The following GSDME variants were observed in gnomAD, a reference collection of about 807,000 sequenced individuals.
The protein encoded by GSDME is gasdermin-E.
A neutral mutation model predicts 47.5 loss-of-function variants in GSDME; 44 were observed. That is an observed-to-expected ratio of 0.93 (90% CI 0.73 to 1.19). The LOEUF (loss-of-function observed/expected upper bound fraction) is 1.19. GSDME is among the 50% of genes most tolerant of loss of function. GSDME has a pLI of 0.00. For missense variants in GSDME, 663 were observed against 604.2 expected (o/e 1.10, Z -1.02); for synonymous variants, 258 against 252.8 (o/e 1.02, Z -0.20).
intron 1 of GSDME, among the ~76,000 whole-genome samples, chr7:24,751,360 AT>A (rs1790853946): frequency 6.6e-6 from 1 of 152,200 alleles, no homozygotes; most frequent in Non-Finnish European, 1.5e-5. Context: ...ACTGCTTTTT[AT>A]TTTTGCTTGC....
chr7:24,710,093 C>A, intron 6 of GSDME, 131 bp downstream of exon 6: 1 of 1,035,924 alleles, frequency 9.7e-7, no homozygotes. Context: ...GCCTCGGCGG[C>A]ATCACCTCTC....
chr7:24,788,851 G>A, the GSDME span, among the ~76,000 whole-genome samples: 6 of 152,078 alleles, frequency 3.9e-5, no homozygotes, highest in Admixed American at 1.3e-4. This position sits in a 1 kb window ranked among gnomAD's most constrained non-coding sequence, Gnocchi z 4.6. Context: ...TCCTTTAATG[G>A]CAGATTTGAT....
intron 6 of GSDME, among the ~76,000 whole-genome samples, chr7:24,708,510 AT>A (rs1289014374): frequency 2.0e-5 from 3 of 152,364 alleles, no homozygotes; most frequent in African/African-American, 7.2e-5. Context: ...CTCTTCTCTG[AT>A]GACTCACTAA....
intron 7 of GSDME, 106 bp from the exon 8 acceptor site, chr7:24,706,482 C>G (rs919191888): frequency 8.8e-7 from 1 of 1,142,274 alleles, no homozygotes; most frequent in Non-Finnish European, 1.3e-6. Context: ...CCCACTCCCC[C>G]GAGGAAAGTA....
chr7:24,790,994 C>T, the GSDME span, among the ~76,000 whole-genome samples: 1 of 152,098 alleles, frequency 6.6e-6, no homozygotes, highest in East Asian at 1.9e-4. This position sits in a 1 kb window ranked among gnomAD's most constrained non-coding sequence, Gnocchi z 4.1. Context: ...CATGCTTTGG[C>T]CATGCATGGA....
In GSDME at chr7:24,714,115, G is replaced by A. The variant is rs1030278355; in HGVS notation, c.697+3139C>T. ...AGCAAATGCCAAGATGTATAAAAGT[G>A]CAAGGCAGAAGGTCAAGAGAATGAA... On this transcript the variant is annotated intron_variant, in intron 5 of 9. Coordinates refer to ENST00000645220, the MANE Select transcript of GSDME (RefSeq NM_001127453.2). The surrounding 1 kb of genome is among the most constrained non-coding windows in gnomAD (Gnocchi z 5.0). 1.3e-5 allele frequency among the ~76,000 whole-genome samples: 2 copies of A among 152,242 alleles called. No individual in the cohort carries two copies. The highest frequency in any genetic ancestry group is 2.9e-5 in the Non-Finnish European group (2 of 68,050).
At chr7:24,702,594 G>A in intron 9 of GSDME, 166 bp downstream of exon 9, 1 of 628,338 alleles carries the variant, frequency 1.6e-6, no homozygotes. Flanking sequence ...TCTTCCCATG[G>A]GGTGGGATGT....
At chr7:24,762,976 A>G in the GSDME span, among the ~76,000 whole-genome samples, 1 of 152,170 alleles carries the variant, frequency 6.6e-6, no homozygotes, top group Non-Finnish European at 1.5e-5. Flanking sequence ...AAGAACCCGG[A>G]GACTCCCTCA....
At position 24,749,757 on chromosome 7, in the gene GSDME, G is replaced by T. The variant is rs757425700; in HGVS notation, c.18C>A (p.Thr6=). 1.9e-6 allele frequency: 3 copies of T among 1,613,688 alleles called. No individual in the cohort carries two copies. Among genetic ancestry groups the T allele is most frequent in the Non-Finnish European group, 2.5e-6 (3 of 1,179,876 alleles). The change falls in exon 2 of 10, where the codon ACC becomes ACA. Residue 6 remains threonine (T), a synonymous_variant. Coordinates refer to ENST00000645220, the MANE Select transcript of GSDME (RefSeq NM_001127453.2). MFAKA[T]RNFLREVDAD... is the part of the protein sequence containing the mutation. ...CATCAACTTCTCTAAGAAAATTCCT[G>T]GTTGCTTTGGCAAACATTTTGAAAG...
the GSDME span, among the ~76,000 whole-genome samples, chr7:24,794,352 G>A: frequency 1.3e-5 from 2 of 148,794 alleles, no homozygotes; most frequent in Non-Finnish European, 3.0e-5. Flanking sequence ...TCTGCCAGCC[G>A]CTTATGCTGC....
intron 7 of GSDME, 123 bp from the exon 8 acceptor site, chr7:24,706,499 G>A (rs184837381): frequency 2.7e-5 from 24 of 901,054 alleles, no homozygotes; most frequent in Middle Eastern, 3.4e-4. Context: ...AGTACGACCC[G>A]CAGCTCTTCT....
chr7:24,776,316 G>A, the GSDME span, among the ~76,000 whole-genome samples: 6 of 152,128 alleles, frequency 3.9e-5, no homozygotes, highest in East Asian at 7.7e-4. Context: ...GAAGATGCAG[G>A]GACCTGAGTC....
chr7:24,703,108 T>C (rs1451242629), intron 8 of GSDME: 1 of 380,928 alleles, frequency 2.6e-6, no homozygotes, highest in African/African-American at 2.1e-5. Flanking sequence ...GCCCAGACTC[T>C]GGGGGAAGGA....
the GSDME span, among the ~76,000 whole-genome samples, chr7:24,794,840 C>G: frequency 1.3e-5 from 2 of 152,152 alleles, no homozygotes; most frequent in Non-Finnish European, 2.9e-5. Context: ...ACTCACTCCC[C>G]CAGCAATTCA....
At chr7:24,747,811 G>A (rs116433318) in intron 2 of GSDME, among the ~76,000 whole-genome samples, 6 of 152,088 alleles carry the variant, frequency 3.9e-5, no homozygotes, top group African/African-American at 9.6e-5. Context: ...GGGACTACAC[G>A]TGTATGCCAC....
chr7:24,738,319 T>C (rs1179004198), intron 3 of GSDME, among the ~76,000 whole-genome samples: 1 of 152,170 alleles, frequency 6.6e-6, no homozygotes, highest in Admixed American at 6.5e-5. Context: ...GTAGCATGTC[T>C]ATAGGGCAAC....
At chr7:24,706,486 GA>G (rs1415976119) in intron 7 of GSDME, 110 bp from the exon 8 acceptor site, 7 of 1,067,862 alleles carry the variant, frequency 6.6e-6, no homozygotes, top group Non-Finnish European at 9.6e-6. Flanking sequence ...CTCCCCCGAG[GA>G]AAGTACGACC....
chr7:24,720,561 GATGA>G (rs1285458921), intron 3 of GSDME, among the ~76,000 whole-genome samples: 7 of 152,190 alleles, frequency 4.6e-5, no homozygotes, highest in African/African-American at 1.4e-4. Flanking sequence ...TCCATCAACA[GATGA>G]ATGGAGAAAC....
At chr7:24,715,428 T>C in intron 5 of GSDME, 1 of 470,664 alleles carries the variant, frequency 2.1e-6, no homozygotes, top group Non-Finnish European at 4.4e-6. Context: ...CGTCACAATG[T>C]CTATGTCTAT....
Sources: gnomAD v4.1 joint callset for allele counts (sites outside exome capture counted in the v4.1 genomes callset) on GRCh38, gnomAD v4.1.1 for gene constraint, Gnocchi (gnomAD v3.1) non-coding constraint, MANE v1.5 for transcripts, NCBI Gene and HGNC (gene_info 2026-07-23, HGNC 2026-07-21) for gene names.